ZNF609: variants seen among roughly 807,000 people sequenced by gnomAD.
ZNF609 encodes the protein zinc finger protein 609.
A neutral mutation model predicts 109.5 loss-of-function variants in ZNF609; 11 were observed. The observed-to-expected ratio is 0.10, with a 90% CI of 0.06 to 0.17. The LOEUF is 0.17. Among genes scored for constraint, ZNF609 ranks in the 10% least tolerant of loss-of-function variants. ZNF609 has a pLI of 1.00. For missense variants in ZNF609, 1,559 were observed against 1,772.4 expected (o/e 0.88, Z 2.16); for synonymous variants, 646 against 662.0 (o/e 0.98, Z 0.37).
intron 2 of ZNF609, among the ~76,000 whole-genome samples, chr15:64,537,277 C>A (rs1002504318): frequency 1.3e-5 from 2 of 151,512 alleles, no homozygotes; most frequent in Non-Finnish European, 2.9e-5. Flanking sequence ...GCGGGTGGAT[C>A]ACCTGAGGTT....
chr15:64,678,425 G>T lies in ZNF609; in HGVS notation c.3712G>T (p.Asp1238Tyr), dbSNP rs377483329. The change falls in exon 6 of 10, where the codon GAC becomes TAC. Residue 1238 changes from aspartate (D) to tyrosine (Y), a missense_variant. Transcript: ENST00000326648. ...CGGCTATTCCTACAGTCAGTCCTAC[G>T]ACCCCAACCACCCCAGCTACCGGAG... is the stretch of plus-strand genomic sequence containing the variant. Reference protein sequence around the residue: ...MHGYSYSQSYDPNHPSYRSMP... With the variant: ...MHGYSYSQSYYPNHPSYRSMP... 4.3e-6 allele frequency: 7 copies of T among 1,610,434 alleles called. No homozygotes were observed. The highest frequency in any genetic ancestry group is 5.9e-6 in the Non-Finnish European group (7 of 1,178,082).
chr15:64,625,932 TATATAGAGAGAGAGAGAGAGAG>T (rs1361766206), intron 3 of ZNF609, among the ~76,000 whole-genome samples: 9 of 74,622 alleles, frequency 1.2e-4, no homozygotes, highest in African/African-American at 3.7e-4. Context: ...TATATATATA[TATATAGAGAGAGAGAGAGAGAG>T]AGAGAGAGAG....
chr15:64,648,691 AGC>A (rs1431928549), intron 3 of ZNF609, among the ~76,000 whole-genome samples: 1 of 151,628 alleles, frequency 6.6e-6, no homozygotes, highest in Non-Finnish European at 1.5e-5. Flanking sequence ...AAGATGTTAA[AGC>A]ACAATAAGTT....
Position 64,534,745 on chromosome 15 carries a change from T to C in ZNF609, c.747+34579T>C, listed in dbSNP as rs1018076863. On this transcript the variant is annotated intron_variant, in intron 2 of 9. Transcript: ENST00000326648. Reference sequence around the variant, plus strand: ...AAAAATTTTGTTATATAAAAACTGTTATTTAGGCCCGGTGCAGTGGCTCAC... The same window carrying C: ...AAAAATTTTGTTATATAAAAACTGTCATTTAGGCCCGGTGCAGTGGCTCAC... Among the ~76,000 whole-genome samples, 42 of 152,206 alleles carry C rather than the reference T, an allele frequency of 2.8e-4. 1 individual carries two copies. Among genetic ancestry groups the C allele is most frequent in the African/African-American group, 1.0e-3 (42 of 41,546 alleles).
At chr15:64,504,882 C>G (rs956321626) in intron 2 of ZNF609, among the ~76,000 whole-genome samples, 2 of 152,022 alleles carry the variant, frequency 1.3e-5, no homozygotes, top group African/African-American at 4.8e-5. Flanking sequence ...TGCACTTCTG[C>G]CTTGGTCTCA....
At position 64,682,237 on chromosome 15, in the gene ZNF609, T is replaced by TGGG. The variant is rs941026763; in HGVS notation, c.*554_*556dup. On this transcript the variant is annotated 3_prime_UTR_variant, in exon 10 of 10. Transcript: ENST00000326648. ...GGAACTAGAATCTCAGGAAAGAAAT[T>TGGG]GGGGGTTGTTTTCTACATAATTGTG... 1.3e-5 allele frequency: 2 copies of TGGG among 152,538 alleles called. No homozygotes were observed. Among genetic ancestry groups the TGGG allele is most frequent in the Admixed American group, 1.3e-4 (2 of 15,276 alleles). 9.4% of individuals were successfully genotyped at this position (152,538 alleles called of 1,614,324 possible). A position where few individuals can be genotyped will look rare whatever the true frequency, so the allele number is the denominator to read the frequency against.
intron 2 of ZNF609, among the ~76,000 whole-genome samples, chr15:64,513,225 T>C (rs1229893101): frequency 1.3e-5 from 2 of 152,126 alleles, no homozygotes; most frequent in African/African-American, 2.4e-5. Context: ...GAAAAACTCA[T>C]CATACAAAGT....
chr15:64,577,773 C>T (rs1010858280), intron 2 of ZNF609, among the ~76,000 whole-genome samples: 7 of 150,824 alleles, frequency 4.6e-5, no homozygotes, highest in Non-Finnish European at 8.8e-5. Flanking sequence ...GCAGGAGAAT[C>T]GCTTGAACCC....
intron 1 of ZNF609, among the ~76,000 whole-genome samples, chr15:64,486,027 TACAG>T (rs957112961): frequency 3.3e-5 from 5 of 152,150 alleles, no homozygotes; most frequent in African/African-American, 1.2e-4. Context: ...ACAGTCAAGA[TACAG>T]ACAGCTCCAT....
intron 3 of ZNF609, among the ~76,000 whole-genome samples, chr15:64,667,807 G>A (rs1424150393): frequency 2.6e-5 from 4 of 152,214 alleles, no homozygotes; most frequent in African/African-American, 7.2e-5. Context: ...GGAACAAAGA[G>A]TAGTCGTGAG....
intron 4 of ZNF609, among the ~76,000 whole-genome samples, chr15:64,673,210 T>C (rs1004178854): frequency 6.6e-6 from 1 of 152,224 alleles, no homozygotes; most frequent in Admixed American, 6.5e-5. Flanking sequence ...TTTTCTGCAA[T>C]AGCTATGGTT....
chr15:64,581,420 C>T (rs567097408), intron 2 of ZNF609, among the ~76,000 whole-genome samples: 2 of 152,024 alleles, frequency 1.3e-5, no homozygotes, highest in South Asian at 4.2e-4. Context: ...CCAGCTTTTC[C>T]TTTTAAGTTT....
chr15:64,471,219 G>C (rs1893085683), intron 1 of ZNF609: 1 of 152,120 alleles, frequency 6.6e-6, no homozygotes, highest in African/African-American at 2.4e-5. Context: ...AAATAAGTTA[G>C]GCGTGGTGGC....
At chr15:64,662,848 G>A (rs1392882504) in intron 3 of ZNF609, among the ~76,000 whole-genome samples, 2 of 151,364 alleles carry the variant, frequency 1.3e-5, no homozygotes, top group Non-Finnish European at 2.9e-5. Flanking sequence ...TGTATTTTTA[G>A]TAAAGATGGG....
At chr15:64,515,113 C>G (rs569893471) in intron 2 of ZNF609, among the ~76,000 whole-genome samples, 1 of 152,094 alleles carries the variant, frequency 6.6e-6, no homozygotes, top group Non-Finnish European at 1.5e-5. Context: ...AAAAAGCAGT[C>G]GTTTTCATAT....
chr15:64,528,411 A>T (rs934170464), intron 2 of ZNF609, among the ~76,000 whole-genome samples: 1 of 150,300 alleles, frequency 6.7e-6, no homozygotes, highest in African/African-American at 2.4e-5. Flanking sequence ...TATTATTTTT[A>T]ATTTTTTGTG....
intron 2 of ZNF609, among the ~76,000 whole-genome samples, chr15:64,533,398 T>G (rs755156419): frequency 6.6e-6 from 1 of 152,230 alleles, no homozygotes; most frequent in African/African-American, 2.4e-5. Flanking sequence ...TCATCCTAAA[T>G]CATTGATTTC....
At chr15:64,631,565 T>C (rs889000926) in intron 3 of ZNF609, 4 of 515,860 alleles carry the variant, frequency 7.8e-6, no homozygotes, top group Non-Finnish European at 1.4e-5. Flanking sequence ...GGAGTTTCGC[T>C]CTTGTTGCCC....
intron 1 of ZNF609, among the ~76,000 whole-genome samples, chr15:64,491,844 CAA>C (rs1893417537): frequency 6.6e-6 from 1 of 151,536 alleles, no homozygotes; most frequent in Non-Finnish European, 1.5e-5. Flanking sequence ...GATTCCGTCT[CAA>C]AAATAAATAA....
Sources: allele counts gnomAD v4.1 joint callset (sites outside exome capture counted in the v4.1 genomes callset), GRCh38; gene constraint gnomAD v4.1.1; transcripts MANE v1.5; gene names NCBI Gene and HGNC (gene_info 2026-07-23, HGNC 2026-07-21).